The following VWA3A variants were observed in gnomAD, a reference collection of about 807,000 sequenced individuals.
VWA3A encodes the protein von Willebrand factor A domain-containing protein 3A.
In VWA3A, 134 loss-of-function variants were observed where a neutral mutation model predicts 160.4. The observed-to-expected ratio is 0.84, with a 90% CI of 0.73 to 0.96. The LOEUF is 0.96. Among genes scored for constraint, VWA3A ranks in the 40% least tolerant of loss-of-function variants. VWA3A has a pLI of 0.00. For missense variants in VWA3A, 1,310 were observed against 1,447.9 expected (o/e 0.90, Z 1.55); for synonymous variants, 476 against 543.4 (o/e 0.88, Z 1.72).
chr16:22,155,569 T>C lies in VWA3A; in HGVS notation c.3408T>C (p.Asp1136=). ...CACACTCATTTCCTCTTTTCAAGGATCCCACATTGCCACCATTTGAAGGAG... is the reference window on the plus strand; with the variant it reads ...CACACTCATTTCCTCTTTTCAAGGACCCCACATTGCCACCATTTGAAGGAG... ...LLTKGFINEK[D]PTLPPFEGDD... is the part of the protein sequence containing the mutation. Residue 1136 remains aspartate (D), a splice_region_variant and synonymous_variant, in exon 32 of 34, where the codon GAT becomes GAC. Coordinates refer to ENST00000389398, the MANE Select transcript of VWA3A (RefSeq NM_173615.5). 1 of 1,613,816 alleles carries C rather than the reference T, an allele frequency of 6.2e-7. No homozygotes were observed. Among genetic ancestry groups the C allele is most frequent in the Non-Finnish European group, 8.5e-7 (1 of 1,179,802 alleles).
Position 22,156,109 on chromosome 16 carries a change from G to T in VWA3A, c.*92G>T. 1 of 615,866 alleles carries T rather than the reference G, an allele frequency of 1.6e-6. No homozygotes were observed. The highest frequency in any genetic ancestry group is 2.8e-6 in the Non-Finnish European group (1 of 354,024). 38.2% of individuals were successfully genotyped at this position (615,866 alleles called of 1,614,324 possible). ...AGGATGGGATGAAATGCTGTGACCT[G>T]CAGGAAACATGATTCCTGGTACCAG... On this transcript the variant is annotated 3_prime_UTR_variant, in exon 34 of 34. Transcript: ENST00000389398.
At chr16:22,113,126 T>C (rs1300824942) in intron 8 of VWA3A, among the ~76,000 whole-genome samples, 1 of 152,236 alleles carries the variant, frequency 6.6e-6, no homozygotes, top group Non-Finnish European at 1.5e-5. Context: ...GTCATAACCC[T>C]ATGTCATATC....
rs1229389765 is a variant in VWA3A, at chr16:22,156,313, C to G, written c.*296C>G. On this transcript the variant is annotated 3_prime_UTR_variant, in exon 34 of 34. Transcript: ENST00000389398. ...CCTAAATGGTGGTGCTTCTTGCAAA[C>G]CAACCCCCTGCCTGAACGGTGCTTC... The G allele has an allele frequency of 1.0e-5, 2 of 194,788 alleles. No individual in the cohort carries two copies. The highest frequency in any genetic ancestry group is 2.1e-5 in the Non-Finnish European group (2 of 95,640). 12.1% of individuals were successfully genotyped at this position (194,788 alleles called of 1,614,324 possible).
chr16:22,145,420 C>T (rs543125837), intron 26 of VWA3A, among the ~76,000 whole-genome samples: 2 of 152,144 alleles, frequency 1.3e-5, no homozygotes, highest in African/African-American at 4.8e-5. Context: ...GGGCGGATCA[C>T]CTGAGGTCAG....
In VWA3A at chr16:22,100,447, T is replaced by C. The variant is rs898179594; in HGVS notation, c.382T>C (p.Cys128Arg). Residue 128 changes from cysteine to arginine, a missense_variant, in exon 5 of 34, where the codon TGT (cysteine) becomes CGT (arginine). Physicochemically the swap from Cys to Arg is radical, Grantham distance 180. Transcript: ENST00000389398. The stretch of plus-strand genomic sequence containing the variant: ...GGGCACCAATGTCGTGCAGAAAATA[T>C]GTTTCTCCACCCAGATCATCCGCCA... The part of the protein sequence containing the change: ...EEGTNVVQKI[C>R]FSTQIIRHFE... 1 of 1,551,498 alleles carries C rather than the reference T, an allele frequency of 6.4e-7. No individual in the cohort carries two copies. The highest frequency in any genetic ancestry group is 1.4e-5 in the African/African-American group (1 of 73,006).
rs963700139 is a variant in VWA3A, at chr16:22,138,614, G to A, written c.2292+102G>A. 7.4e-6 allele frequency: 11 copies of A among 1,479,242 alleles called. No individual in the cohort carries two copies. The Admixed American group carries it at 1.8e-4, about 25-fold the overall frequency. 91.6% of individuals were successfully genotyped at this position (1,479,242 alleles called of 1,614,324 possible). ...GGCTGGGGCCAGCAGGGATGGGGGT[G>A]GGTGCTTCAGTGGTGAGTGTCCTGT... is the stretch of plus-strand genomic sequence containing the variant. On this transcript the variant is annotated intron_variant, in intron 22 of 33. Transcript: ENST00000389398.
At chr16:22,097,803 G>GA in intron 3 of VWA3A, 108 bp downstream of exon 3, 1 of 1,399,532 alleles carries the variant, frequency 7.1e-7, no homozygotes, top group Non-Finnish European at 9.6e-7. Flanking sequence ...TTCTAGGACT[G>GA]AAAAAGGAGT....
At chr16:22,129,161 G>A (rs563253623) in intron 17 of VWA3A, among the ~76,000 whole-genome samples, 8 of 151,842 alleles carry the variant, frequency 5.3e-5, no homozygotes, top group South Asian at 2.1e-4. Context: ...AGGCCGAGGC[G>A]GGCGGATCAC....
chr16:22,106,958 G>A (rs914252324), intron 6 of VWA3A, among the ~76,000 whole-genome samples: 2 of 152,300 alleles, frequency 1.3e-5, no homozygotes, highest in East Asian at 3.9e-4. Flanking sequence ...ACTAAGATGG[G>A]GAAGGCTGAG....
chr16:22,135,629 T>A (rs1001396097), intron 21 of VWA3A, among the ~76,000 whole-genome samples: 1 of 152,118 alleles, frequency 6.6e-6, no homozygotes, highest in African/African-American at 2.4e-5. Flanking sequence ...TAGGTCTGTG[T>A]GCTGCACATT....
chr16:22,096,416 C>A (rs1345042131), intron 1 of VWA3A, among the ~76,000 whole-genome samples: 1 of 152,124 alleles, frequency 6.6e-6, no homozygotes, highest in East Asian at 1.9e-4. Context: ...GTTATGTTAG[C>A]ACCACATTAC....
intron 31 of VWA3A, 112 bp downstream of exon 31, chr16:22,152,746 G>T: frequency 6.8e-7 from 1 of 1,468,498 alleles, no homozygotes. Flanking sequence ...CTCCCACCTC[G>T]GCCTCCCAAA....
At chr16:22,121,741 A>G in intron 14 of VWA3A, 124 bp downstream of exon 14, 1 of 728,478 alleles carries the variant, frequency 1.4e-6, no homozygotes, top group Admixed American at 2.4e-5. Context: ...CCAGGACCCT[A>G]GAATGCACAT....
intron 32 of VWA3A, 76 bp downstream of exon 32, chr16:22,155,740 G>A (rs757669039): frequency 2.0e-5 from 32 of 1,601,506 alleles, no homozygotes; most frequent in Non-Finnish European, 2.7e-5. Flanking sequence ...ATCGAGAAGG[G>A]CCGCACCCAT....
intron 1 of VWA3A, among the ~76,000 whole-genome samples, chr16:22,095,752 G>C (rs139872113): frequency 4.7e-4 from 72 of 151,902 alleles, no homozygotes; most frequent in African/African-American, 1.6e-3. Flanking sequence ...TATAGAGATG[G>C]GGTCTCGCTG....
chr16:22,093,708 G>A (rs1366417116), intron 1 of VWA3A, among the ~76,000 whole-genome samples: 1 of 152,150 alleles, frequency 6.6e-6, no homozygotes, highest in African/African-American at 2.4e-5. Context: ...AGGCAGGTCA[G>A]TTACTGTTAT....
chr16:22,118,366 T>A (rs2045679303), intron 11 of VWA3A, among the ~76,000 whole-genome samples: 1 of 152,126 alleles, frequency 6.6e-6, no homozygotes, highest in Non-Finnish European at 1.5e-5. Context: ...CTTTTACAGT[T>A]AGAAAACTCT....
rs536114796 is a variant in VWA3A, at chr16:22,134,466, G to A, written c.2139+28G>A. ...ATGCCCTGGGCATGGGCCAATGACT[G>A]CACTGCCTTTTGTATTCATTTCCTG... On this transcript the variant is annotated intron_variant, in intron 21 of 33. Coordinates refer to ENST00000389398, the MANE Select transcript of VWA3A (RefSeq NM_173615.5). 1.3e-5 allele frequency: 20 copies of A among 1,551,204 alleles called. No individual in the cohort carries two copies. The East Asian group carries it at 4.0e-4, about 31-fold the overall frequency.
chr16:22,155,566 G>A lies in VWA3A; in HGVS notation c.3406-1G>A. ...CTTCACACTCATTTCCTCTTTTCAAGGATCCCACATTGCCACCATTTGAAG... is the reference window on the plus strand; with the variant it reads ...CTTCACACTCATTTCCTCTTTTCAAAGATCCCACATTGCCACCATTTGAAG... On this transcript the variant is annotated splice_acceptor_variant, in intron 31 of 33. Coordinates refer to ENST00000389398, the MANE Select transcript of VWA3A (RefSeq NM_173615.5). LOFTEE classifies it high-confidence loss of function. The A allele has an allele frequency of 6.2e-7, 1 of 1,613,690 alleles. No individual in the cohort carries two copies. Among genetic ancestry groups the A allele is most frequent in the South Asian group, 1.1e-5 (1 of 91,066 alleles).
Sources: allele counts gnomAD v4.1 joint callset (sites outside exome capture counted in the v4.1 genomes callset), GRCh38; gene constraint gnomAD v4.1.1; transcripts MANE v1.5; gene names NCBI Gene and HGNC (gene_info 2026-07-23, HGNC 2026-07-21).